ADAMTS17: variants seen among roughly 807,000 people sequenced by gnomAD.
ADAMTS17 encodes the protein A disintegrin and metalloproteinase with thrombospondin motifs 17.
Under a neutral mutation model 141.5 loss-of-function variants are expected in ADAMTS17, and 113 were observed. That is an observed-to-expected ratio of 0.80 (90% CI 0.69 to 0.93). The LOEUF (loss-of-function observed/expected upper bound fraction) is 0.93, where lower values mean the gene tolerates loss of function less well. ADAMTS17 is among the 40% of genes least tolerant of loss of function. The pLI, the probability that ADAMTS17 is intolerant of heterozygous loss-of-function variation, is 0.00. For synonymous variants in ADAMTS17, 768 were observed against 630.6 expected (o/e 1.22, Z -3.27); for missense variants, 1,659 against 1,517.9 (o/e 1.09, Z -1.54).
intron 13 of ADAMTS17, 144 bp from the exon 14 acceptor site, chr15:100,109,260 C>CCAGCTCCTCTAAACAAGCGGCA: frequency 2.6e-6 from 3 of 1,165,204 alleles, no homozygotes; most frequent in Non-Finnish European, 3.7e-6. Context: ...GGTACGCGCT[C>CCAGCTCCTCTAAACAAGCGGCA]CAGGAAGCGG....
chr15:100,140,437 CCTGA>C lies in ADAMTS17; in HGVS notation c.1474-7126_1474-7123del, dbSNP rs577267888. Among the ~76,000 whole-genome samples, 617 of 146,482 alleles carry C rather than the reference CCTGA, an allele frequency of 4.2e-3. 7 individuals are homozygous for C. Among genetic ancestry groups the C allele is most frequent in the Middle Eastern group, 0.04 (11 of 274 alleles). On this transcript the variant is annotated intron_variant, in intron 10 of 21. Coordinates refer to ENST00000268070, the MANE Select transcript of ADAMTS17 (RefSeq NM_139057.4). ...AATGACGGGACAACTCTACACTAGT[CCTGA>C]CTAACTCCAAGACACACACACACAC... is the stretch of plus-strand genomic sequence containing the variant.
chr15:100,123,440 G>C (rs1407443196), intron 12 of ADAMTS17, among the ~76,000 whole-genome samples: 1 of 152,186 alleles, frequency 6.6e-6, no homozygotes, highest in Non-Finnish European at 1.5e-5. Context: ...CTCCTGTGAG[G>C]GCAGGAAGGC....
intron 20 of ADAMTS17, among the ~76,000 whole-genome samples, chr15:99,992,050 A>C (rs1025683713): frequency 6.6e-6 from 1 of 152,186 alleles, no homozygotes; most frequent in Admixed American, 6.5e-5. Context: ...GAAGCAGTAC[A>C]TTAGGACAAA....
intron 15 of ADAMTS17, among the ~76,000 whole-genome samples, chr15:100,093,511 T>G (rs965409614): frequency 2.5e-4 from 38 of 152,204 alleles, no homozygotes; most frequent in Admixed American, 1.4e-3. Context: ...CCCACTCAGC[T>G]GCACTTGGCG....
In ADAMTS17 at chr15:100,167,935, G is replaced by A. The variant is rs148730572; in HGVS notation, c.1182-12615C>T. Among the ~76,000 whole-genome samples the A allele has an allele frequency of 3.3e-5, 5 of 152,310 alleles. No individual in the cohort carries two copies. In the East Asian group the frequency reaches 9.7e-4, roughly 29 times the overall value. ...GGCCCGAGCTGCTCTCCCTTCTGGG[G>A]CCTGCTCTGGCCCAGGACACAGAAA... On this transcript the variant is annotated intron_variant, in intron 8 of 21. Transcript: ENST00000268070.
At chr15:100,203,142 G>C (rs1426745159) in intron 7 of ADAMTS17, among the ~76,000 whole-genome samples, 2 of 152,192 alleles carry the variant, frequency 1.3e-5, no homozygotes, top group Admixed American at 1.3e-4. Flanking sequence ...CCATTTTATA[G>C]ATGGGGAAAC....
intron 16 of ADAMTS17, among the ~76,000 whole-genome samples, chr15:100,052,782 G>A (rs965962952): frequency 6.6e-6 from 1 of 152,220 alleles, no homozygotes; most frequent in Non-Finnish European, 1.5e-5. Context: ...CCTACTTGCA[G>A]GAACGTATTT....
At chr15:100,236,438 G>A (rs2042658379) in intron 7 of ADAMTS17, among the ~76,000 whole-genome samples, 2 of 152,042 alleles carry the variant, frequency 1.3e-5, no homozygotes, top group Admixed American at 6.6e-5. Context: ...AGCCGGCTAT[G>A]TTTAAAGGAG....
At chr15:100,265,207 T>C (rs1433158156) in intron 4 of ADAMTS17, among the ~76,000 whole-genome samples, 1 of 152,106 alleles carries the variant, frequency 6.6e-6, no homozygotes, top group East Asian at 1.9e-4. Context: ...ACGTTCAGAA[T>C]CAACTGAGGT....
intron 2 of ADAMTS17, among the ~76,000 whole-genome samples, chr15:100,333,019 A>G (rs929328526): frequency 6.6e-6 from 1 of 152,188 alleles, no homozygotes; most frequent in Admixed American, 6.5e-5. Context: ...TGCCATTGTC[A>G]GCATGCCACC....
intron 10 of ADAMTS17, among the ~76,000 whole-genome samples, chr15:100,144,639 A>T (rs1205688278): frequency 6.6e-6 from 1 of 152,046 alleles, no homozygotes; most frequent in Non-Finnish European, 1.5e-5. Context: ...TTCAGTATGG[A>T]AGAGAATACT....
chr15:100,340,242 C>G lies in ADAMTS17; in HGVS notation c.450+797G>C, dbSNP rs147511444. Reference sequence around the variant, plus strand: ...CCACATGATCAAGTGTGCGCGCAGGCAGGGCAAGTGCACACAAGAACCCCC... The same window carrying G: ...CCACATGATCAAGTGTGCGCGCAGGGAGGGCAAGTGCACACAAGAACCCCC... On this transcript the variant is annotated intron_variant, in intron 2 of 21. Transcript: ENST00000268070. Among the ~76,000 whole-genome samples, 274 of 152,292 alleles carry G rather than the reference C, an allele frequency of 1.8e-3. 2 individuals carry two copies. The highest frequency in any genetic ancestry group is 4.7e-3 in the Admixed American group (72 of 15,304).
intron 14 of ADAMTS17, among the ~76,000 whole-genome samples, chr15:100,097,497 G>C (rs1037092851): frequency 6.6e-6 from 1 of 152,354 alleles, no homozygotes; most frequent in East Asian, 1.9e-4. Context: ...CCACCTGCAG[G>C]CAGGGCTTAG....
intron 18 of ADAMTS17, among the ~76,000 whole-genome samples, chr15:100,043,954 A>G (rs2031474503): frequency 6.6e-6 from 1 of 152,114 alleles, no homozygotes; most frequent in African/African-American, 2.4e-5. Context: ...TGTGGCACTC[A>G]TTAATAGAGT....
chr15:100,294,467 G>A lies in ADAMTS17; in HGVS notation c.617-13066C>T, dbSNP rs546776868. The stretch of plus-strand genomic sequence containing the variant: ...TAACAGTTTTGGACCAGATGCAGTG[G>A]CTCATACCTGTAACCCCAGAGCTAT... On this transcript the variant is annotated intron_variant, in intron 3 of 21. Transcript: ENST00000268070. 2.0e-5 allele frequency among the ~76,000 whole-genome samples: 3 copies of A among 152,114 alleles called. No individual in the cohort carries two copies. In the South Asian group the frequency reaches 6.2e-4, roughly 32 times the overall value.
chr15:99,981,317 G>T (rs2141285701), intron 20 of ADAMTS17, among the ~76,000 whole-genome samples: 1 of 152,348 alleles, frequency 6.6e-6, no homozygotes, highest in South Asian at 2.1e-4. Flanking sequence ...ACAGGGACAG[G>T]TGTCTGTTCT....
At chr15:100,086,365 A>T (rs2035102117) in intron 15 of ADAMTS17, among the ~76,000 whole-genome samples, 1 of 149,566 alleles carries the variant, frequency 6.7e-6, no homozygotes, top group African/African-American at 2.6e-5. Flanking sequence ...TAGTGACTAG[A>T]AAGAGACTTA....
chr15:99,982,402 A>G (rs1385518426), intron 20 of ADAMTS17, among the ~76,000 whole-genome samples: 2 of 152,122 alleles, frequency 1.3e-5, no homozygotes, highest in East Asian at 1.9e-4. Context: ...AGGGAGCACA[A>G]TTAGAGGCTG....
intron 9 of ADAMTS17, among the ~76,000 whole-genome samples, chr15:100,153,420 C>G (rs1596575831): frequency 6.6e-6 from 1 of 152,162 alleles, no homozygotes; most frequent in African/African-American, 2.4e-5. Flanking sequence ...GTGGGTGGAT[C>G]ACTTGAGGTC....
Sources: gnomAD v4.1 joint callset for allele counts (sites outside exome capture counted in the v4.1 genomes callset) on GRCh38, gnomAD v4.1.1 for gene constraint, MANE v1.5 for transcripts, NCBI Gene and HGNC (gene_info 2026-07-23, HGNC 2026-07-21) for gene names.